RPS6KC1: variants seen among roughly 807,000 people sequenced by gnomAD.
RPS6KC1 encodes inactive ribosomal protein S6 kinase delta-1.
RPS6KC1 carries 54 observed loss-of-function variants against 103.8 expected under a neutral mutation model. That is an observed-to-expected ratio of 0.52 (90% CI 0.42 to 0.65). The LOEUF is 0.65. Among genes scored for constraint, RPS6KC1 ranks in the 30% least tolerant of loss-of-function variants. The pLI, the probability that RPS6KC1 is intolerant of heterozygous loss-of-function variation, is 0.00. For missense variants in RPS6KC1, 1,151 were observed against 1,253.8 expected, an observed-to-expected ratio of 0.92 and a Z score of 1.24; for synonymous variants, 439 against 438.7, an observed-to-expected ratio of 1.00 and a Z score of -0.01.
the RPS6KC1 span, among the ~76,000 whole-genome samples, chr1:213,749,805 C>T: frequency 1.4e-4 from 22 of 152,288 alleles, 1 homozygote; most frequent in East Asian, 3.7e-3. Flanking sequence ...TCCCCAAACT[C>T]GCACTTGGAA....
At chr1:213,611,785 G>T in the RPS6KC1 span, among the ~76,000 whole-genome samples, 12 of 152,216 alleles carry the variant, frequency 7.9e-5, no homozygotes, top group African/African-American at 2.4e-4. Flanking sequence ...CGAAAGCCAA[G>T]AATTTATACT....
chr1:213,222,889 T>C (rs2093870321), intron 8 of RPS6KC1, among the ~76,000 whole-genome samples: 2 of 152,242 alleles, frequency 1.3e-5, no homozygotes. Flanking sequence ...TACCAGCTCT[T>C]GTAAATTTGC....
the RPS6KC1 span, among the ~76,000 whole-genome samples, chr1:213,586,775 T>C: frequency 1.3e-5 from 2 of 152,184 alleles, no homozygotes; most frequent in African/African-American, 4.8e-5. Flanking sequence ...TGACAGGCAG[T>C]GAGTGTGTCC....
chr1:213,385,457 TG>T, the RPS6KC1 span, among the ~76,000 whole-genome samples: 1 of 152,226 alleles, frequency 6.6e-6, no homozygotes, highest in Non-Finnish European at 1.5e-5. Context: ...CTAGCCATCA[TG>T]CCATGCTGCC....
the RPS6KC1 span, among the ~76,000 whole-genome samples, chr1:213,403,554 T>C: frequency 2.0e-5 from 3 of 152,160 alleles, no homozygotes; most frequent in Admixed American, 6.5e-5. Context: ...TTAGACTGAT[T>C]TGAGTGTGCC....
At chr1:213,084,520 G>A (rs550267336) in intron 3 of RPS6KC1, among the ~76,000 whole-genome samples, 1 of 152,250 alleles carries the variant, frequency 6.6e-6, no homozygotes, top group East Asian at 1.9e-4. Flanking sequence ...ACTAAGAATA[G>A]GGATATTGTA....
the RPS6KC1 span, among the ~76,000 whole-genome samples, chr1:213,390,715 C>T: frequency 2.0e-5 from 3 of 152,188 alleles, no homozygotes; most frequent in African/African-American, 7.2e-5. Flanking sequence ...TCGACACAAA[C>T]AAGCACTTTG....
the RPS6KC1 span, among the ~76,000 whole-genome samples, chr1:213,433,343 GT>G: frequency 6.6e-6 from 1 of 152,166 alleles, no homozygotes; most frequent in Non-Finnish European, 1.5e-5. Context: ...TCACATCAAA[GT>G]CAGTAACCTT....
At chr1:213,309,292 C>T in the RPS6KC1 span, among the ~76,000 whole-genome samples, 1 of 152,100 alleles carries the variant, frequency 6.6e-6, no homozygotes, top group Non-Finnish European at 1.5e-5. Context: ...GAGACTTCAT[C>T]TCAAACAAAC....
chr1:213,209,319 A>G (rs952851889), intron 8 of RPS6KC1, among the ~76,000 whole-genome samples: 1 of 152,220 alleles, frequency 6.6e-6, no homozygotes, highest in African/African-American at 2.4e-5. Flanking sequence ...TATTGATCCA[A>G]ACCCCAAGAG....
intron 6 of RPS6KC1, among the ~76,000 whole-genome samples, chr1:213,166,236 A>G (rs1340715698): frequency 6.6e-6 from 1 of 152,184 alleles, no homozygotes; most frequent in African/African-American, 2.4e-5. Context: ...TGAATCAAAA[A>G]TCTTAAATGG....
chr1:213,661,921 A>T, the RPS6KC1 span, among the ~76,000 whole-genome samples: 1 of 152,208 alleles, frequency 6.6e-6, no homozygotes, highest in East Asian at 1.9e-4. Context: ...CACTATTTTC[A>T]TGTTAAGATT....
chr1:213,451,174 C>T, the RPS6KC1 span, among the ~76,000 whole-genome samples: 2 of 152,156 alleles, frequency 1.3e-5, no homozygotes, highest in Admixed American at 1.3e-4. Flanking sequence ...GAGGAGAAAA[C>T]AGTTGTCACA....
the RPS6KC1 span, among the ~76,000 whole-genome samples, chr1:213,511,352 C>CT: frequency 6.6e-6 from 1 of 152,032 alleles, no homozygotes; most frequent in Admixed American, 6.5e-5. Flanking sequence ...TCTGGCAAGC[C>CT]GGGGCTGGCC....
the RPS6KC1 span, chr1:213,837,244 A>G: frequency 2.0e-5 from 3 of 152,154 alleles, no homozygotes; most frequent in East Asian, 5.8e-4. Context: ...GGAATACAGT[A>G]ACCCTCTAAG....
chr1:213,231,028 T>TA (rs978850613), intron 9 of RPS6KC1, among the ~76,000 whole-genome samples: 1 of 152,168 alleles, frequency 6.6e-6, no homozygotes, highest in African/African-American at 2.4e-5. Context: ...GATGTTTATT[T>TA]ACTTTTCTTT....
chr1:213,219,100 T>C (rs1310148787), intron 8 of RPS6KC1, among the ~76,000 whole-genome samples: 1 of 152,214 alleles, frequency 6.6e-6, no homozygotes, highest in Non-Finnish European at 1.5e-5. Context: ...AGAAAATTTC[T>C]GCAATCTACT....
chr1:213,081,734 T>G (rs2148572239), intron 3 of RPS6KC1, among the ~76,000 whole-genome samples: 1 of 151,908 alleles, frequency 6.6e-6, no homozygotes, highest in South Asian at 2.1e-4. Flanking sequence ...AACATTCTGG[T>G]AGCCTATGAA....
At chr1:213,386,984 G>C in the RPS6KC1 span, among the ~76,000 whole-genome samples, 1 of 152,302 alleles carries the variant, frequency 6.6e-6, no homozygotes, top group South Asian at 2.1e-4. Flanking sequence ...GTCAGCTCTT[G>C]CATCTTTTTC....
Sources: gnomAD v4.1 joint callset for allele counts (sites outside exome capture counted in the v4.1 genomes callset) on GRCh38, gnomAD v4.1.1 for gene constraint, MANE v1.5 for transcripts, NCBI Gene and HGNC (gene_info 2026-07-23, HGNC 2026-07-21) for gene names.